TSACC: variants seen among roughly 807,000 people sequenced by gnomAD.
TSACC encodes TSSK6-activating co-chaperone protein.
A neutral mutation model predicts 6.9 loss-of-function variants in TSACC; 3 were observed. The ratio of observed to expected loss-of-function variants is 0.43; its 90% CI spans 0.20 to 1.12. TSACC has a LOEUF of 1.12. TSACC is among the 50% of genes most tolerant of loss of function. TSACC has a pLI of 0.28. For missense variants in TSACC, 137 were observed against 143.9 expected (o/e 0.95, Z 0.24); for synonymous variants, 54 against 55.1 (o/e 0.98, Z 0.09).
At chr1:156,337,862 G>A, upstream of TSACC, 1 of 502,422 alleles carries the variant, frequency 2.0e-6, no homozygotes, top group Non-Finnish European at 3.5e-6. Flanking sequence ...GGGCGCAGGG[G>A]CGGGGGAAGC....
intron 2 of TSACC, among the ~76,000 whole-genome samples, chr1:156,343,464 G>A (rs1666004366): frequency 6.6e-6 from 1 of 152,194 alleles, no homozygotes; most frequent in Non-Finnish European, 1.5e-5. Flanking sequence ...TGATATGCTA[G>A]CCAAATAGCT....
rs1260544086 is a variant in TSACC at position 156,338,529 on chromosome 1, TGG to T, written c.-200_-199del. ...GCGCAGGCGCCAAGGCTCTGGCAGT[TGG>T]CCAGCACACCACTACGCATGTGTGT... is the stretch of plus-strand genomic sequence containing the variant. On this transcript the variant is annotated 5_prime_UTR_variant, in exon 1 of 4. Transcript: ENST00000368254. The T allele has an allele frequency of 4.2e-6, 2 of 479,080 alleles. No homozygotes were observed. Among genetic ancestry groups the T allele is most frequent in the African/African-American group, 3.9e-5 (2 of 51,376 alleles). The allele number at this position is 479,080 out of a possible 1,614,324, so 29.7% of individuals were successfully genotyped here. A position where few individuals can be genotyped will look rare whatever the true frequency, so the allele number is the denominator to read the frequency against.
rs754778383 is a variant in TSACC at position 156,344,574 on chromosome 1, A to C, written c.35-6A>C. ...ATGAGCTCTGATTTAGTTATCTCTG[A>C]TTTAGTTCCAGCCAAAGAGGAAGCT... On this transcript the variant is annotated splice_polypyrimidine_tract_variant and splice_region_variant and intron_variant, in intron 2 of 3. Coordinates refer to ENST00000368254, the MANE Select transcript of TSACC (RefSeq NM_001304817.2). 13 of 1,613,052 alleles carry C rather than the reference A, an allele frequency of 8.1e-6. No individual in the cohort carries two copies. The highest frequency in any genetic ancestry group is 1.7e-6 in the Non-Finnish European group (2 of 1,179,818).
chr1:156,337,937 A>G, upstream of TSACC: 3 of 584,066 alleles, frequency 5.1e-6, no homozygotes, highest in South Asian at 6.4e-5. Context: ...ACGTCAAGGA[A>G]AGAGGCTCGG....
intron 2 of TSACC, among the ~76,000 whole-genome samples, chr1:156,340,953 C>G (rs1665846705): frequency 6.6e-6 from 1 of 152,118 alleles, no homozygotes; most frequent in Non-Finnish European, 1.5e-5. Context: ...CCTCAGCCAC[C>G]CAAGTAGCTG....
chr1:156,337,921 G>C (rs1255785424), upstream of TSACC: 7 of 565,274 alleles, frequency 1.2e-5, 1 homozygote, highest in Non-Finnish European at 1.6e-5. Flanking sequence ...TTCCCAAGAC[G>C]AGCACACGTC....
At chr1:156,340,437 G>A (rs1374374349) in intron 2 of TSACC, among the ~76,000 whole-genome samples, 4 of 151,258 alleles carry the variant, frequency 2.6e-5, no homozygotes, top group Admixed American at 6.6e-5. Context: ...GGGATTACAG[G>A]TGTGAGCTAC....
upstream of TSACC, chr1:156,338,064 T>G (rs1665528497): frequency 1.4e-6 from 2 of 1,404,960 alleles, no homozygotes; most frequent in Admixed American, 3.9e-5. Flanking sequence ...AGTGGCCCGG[T>G]CAGTGGGGGA....
At chr1:156,343,967 T>C (rs1310846397) in intron 2 of TSACC, among the ~76,000 whole-genome samples, 1 of 152,146 alleles carries the variant, frequency 6.6e-6, no homozygotes, top group Non-Finnish European at 1.5e-5. Context: ...CTTGAACTCC[T>C]GATCTCAGGT....
chr1:156,343,735 G>T (rs2764409), intron 2 of TSACC, among the ~76,000 whole-genome samples: 120,676 of 151,774 alleles, frequency 0.8, 48,040 homozygotes, highest in African/African-American at 0.81. Context: ...CAAGTTTTTT[G>T]TTGTTGTTGT....
At chr1:156,340,955 A>ACC (rs1665847240) in intron 2 of TSACC, among the ~76,000 whole-genome samples, 1 of 151,724 alleles carries the variant, frequency 6.6e-6, no homozygotes, top group Non-Finnish European at 1.5e-5. Flanking sequence ...TCAGCCACCC[A>ACC]AGTAGCTGGG....
upstream of TSACC, chr1:156,338,072 G>A: frequency 6.8e-7 from 1 of 1,467,750 alleles, no homozygotes; most frequent in Non-Finnish European, 9.4e-7. Flanking sequence ...GGTCAGTGGG[G>A]GACGGAGCTG....
intron 3 of TSACC, among the ~76,000 whole-genome samples, chr1:156,345,353 A>C (rs898632704): frequency 6.6e-6 from 1 of 152,116 alleles, no homozygotes; most frequent in African/African-American, 2.4e-5. Flanking sequence ...GTCTGAGGTC[A>C]GGAGCTTCAG....
chr1:156,343,629 G>T (rs1458007257), intron 2 of TSACC, among the ~76,000 whole-genome samples: 1 of 152,190 alleles, frequency 6.6e-6, no homozygotes, highest in Non-Finnish European at 1.5e-5. Context: ...TGCCAAGGGG[G>T]ATGGGAATAC....
At chr1:156,338,018 TG>T, upstream of TSACC, 1 of 942,086 alleles carries the variant, frequency 1.1e-6, no homozygotes, top group Non-Finnish European at 1.7e-6. Flanking sequence ...AGCGGGACAC[TG>T]GGCTTCCAAA....
At chr1:156,345,104 A>G (rs1376525461) in intron 3 of TSACC, among the ~76,000 whole-genome samples, 3 of 152,180 alleles carry the variant, frequency 2.0e-5, no homozygotes, top group Non-Finnish European at 4.4e-5. Context: ...TCCCTTGGGG[A>G]GGTCAGTGGG....
chr1:156,338,205 G>C, upstream of TSACC: 1 of 1,583,006 alleles, frequency 6.3e-7, no homozygotes, highest in Non-Finnish European at 8.6e-7. Context: ...TGCAGAGCCG[G>C]GTACCCAGAG....
At chr1:156,342,588 A>C (rs2085777840) in intron 2 of TSACC, among the ~76,000 whole-genome samples, 2 of 152,244 alleles carry the variant, frequency 1.3e-5, no homozygotes, top group Non-Finnish European at 2.9e-5. Context: ...GTTTTTTATG[A>C]AGAGGCCCTT....
intron 2 of TSACC, 75 bp downstream of exon 2, chr1:156,339,866 T>C: frequency 6.6e-7 from 1 of 1,522,824 alleles, no homozygotes; most frequent in South Asian, 1.1e-5. Flanking sequence ...AATGGGAGCA[T>C]TGCTGTATTC....
Sources: allele counts gnomAD v4.1 joint callset (sites outside exome capture counted in the v4.1 genomes callset), GRCh38; gene constraint gnomAD v4.1.1; transcripts MANE v1.5; gene names NCBI Gene and HGNC (gene_info 2026-07-23, HGNC 2026-07-21).